Variants in ZNF101 observed in about 807,000 individuals in gnomAD.
ZNF101 encodes the protein zinc finger protein 101.
ZNF101 carries 34 observed loss-of-function variants against 42.6 expected under a neutral mutation model. The ratio of observed to expected loss-of-function variants is 0.80; its 90% CI spans 0.61 to 1.06. ZNF101 has a LOEUF of 1.06. ZNF101 is among the 50% of genes least tolerant of loss of function. The probability of loss-of-function intolerance (pLI) is 0.00; values close to 1 mark genes in which losing one functional copy is unlikely to be tolerated. For synonymous variants in ZNF101, 158 were observed against 183.9 expected (o/e 0.86, Z 1.14); for missense variants, 466 against 530.9 (o/e 0.88, Z 1.20).
intron 1 of ZNF101, chr19:19,677,345 G>C (rs1201004773): frequency 6.6e-6 from 1 of 152,642 alleles, no homozygotes. Context: ...CTTTCAGAAG[G>C]AAAACAGTTC....
At chr19:19,674,367 G>T (rs1179169075) in intron 1 of ZNF101, among the ~76,000 whole-genome samples, 1 of 151,920 alleles carries the variant, frequency 6.6e-6, no homozygotes, top group Non-Finnish European at 1.5e-5. Context: ...GTAGAGATGG[G>T]GTTTCACCAT....
upstream of ZNF101, chr19:19,668,756 T>C (rs948267530): frequency 9.1e-6 from 5 of 548,850 alleles, no homozygotes; most frequent in African/African-American, 7.9e-5. Context: ...AGAGGCGCTG[T>C]GCGGCAAACT....
chr19:19,675,014 G>T (rs1321044477), intron 1 of ZNF101, among the ~76,000 whole-genome samples: 3 of 151,926 alleles, frequency 2.0e-5, no homozygotes, highest in Non-Finnish European at 2.9e-5. Context: ...TAGAGACGGG[G>T]TTTCACCGTG....
intron 1 of ZNF101, chr19:19,677,235 T>C (rs1445449400): frequency 6.6e-6 from 1 of 152,256 alleles, no homozygotes; most frequent in Non-Finnish European, 1.5e-5. Context: ...ACGTGTGACA[T>C]ATTGTCTCCC....
intron 1 of ZNF101, among the ~76,000 whole-genome samples, chr19:19,673,651 C>T (rs979939040): frequency 2.1e-5 from 3 of 142,230 alleles, no homozygotes; most frequent in African/African-American, 5.2e-5. Context: ...AGTAGTCTTT[C>T]GACTTCTTGG....
Position 19,679,190 on chromosome 19 carries a change from G to A in ZNF101, c.201G>A (p.Val67=). The change falls in exon 4 of 4, where the codon GTG becomes GTA. Residue 67 remains valine, a synonymous_variant. Coordinates refer to ENST00000592502, the MANE Select transcript of ZNF101 (RefSeq NM_033204.4). ...TTGTCATTTTTCATAGAAGTCTGGTGGAGAGACTCTGTGGACGTAAAGAAG... is the reference window on the plus strand; with the variant it reads ...TTGTCATTTTTCATAGAAGTCTGGTAGAGAGACTCTGTGGACGTAAAGAAG... ...QNLGIKLRSL[V]ERLCGRKEGN... is the part of the protein sequence containing the mutation. The A allele has an allele frequency of 6.2e-7, 1 of 1,612,680 alleles. No homozygotes were observed.
chr19:19,669,804 A>G (rs760118713), intron 1 of ZNF101, among the ~76,000 whole-genome samples: 13 of 152,094 alleles, frequency 8.5e-5, no homozygotes, highest in Admixed American at 6.6e-5. Context: ...TTTAACTGTC[A>G]TCTTTTCCAA....
chr19:19,680,154 A>G lies in ZNF101; in HGVS notation c.1165A>G (p.Thr389Ala). 1.2e-6 allele frequency: 2 copies of G among 1,612,746 alleles called. No individual in the cohort carries two copies. Among genetic ancestry groups the G allele is most frequent in the Non-Finnish European group, 1.7e-6 (2 of 1,179,690 alleles). The change falls in exon 4 of 4, where the codon ACT becomes GCT. Residue 389 changes from threonine (T) to alanine (A), a missense_variant. Thr to Ala is a moderately conservative substitution (Grantham distance 58, BLOSUM62 0). Transcript: ENST00000592502. ...SSLRRHEMTH[T>A]GEKPFDCKQC... ...CCTCCGAAGACATGAAATGACTCAC[A>G]CTGGAGAAAAACCCTTTGATTGTAA...
intron 3 of ZNF101, 58 bp from the exon 4 acceptor site, chr19:19,679,123 A>G: frequency 3.8e-6 from 6 of 1,568,734 alleles, no homozygotes; most frequent in South Asian, 2.4e-5. Context: ...AGACATGTCA[A>G]TTAGTAGAAA....
intron 1 of ZNF101, among the ~76,000 whole-genome samples, chr19:19,670,497 C>T (rs1234314442): frequency 2.6e-5 from 4 of 152,222 alleles, no homozygotes; most frequent in African/African-American, 9.6e-5. Context: ...TGGCTCACGC[C>T]TGTAATTCCA....
Position 19,668,845 on chromosome 19 carries a change from GT to G in ZNF101, c.-118del. The G allele has an allele frequency of 7.5e-7, 1 of 1,338,658 alleles. No individual in the cohort carries two copies. The highest frequency in any genetic ancestry group is 1.0e-6 in the Non-Finnish European group (1 of 1,000,392). The allele number at this position is 1,338,658 out of a possible 1,614,324, so 82.9% of individuals were successfully genotyped here. On this transcript the variant is annotated 5_prime_UTR_variant, in exon 1 of 4. Coordinates refer to ENST00000592502, the MANE Select transcript of ZNF101 (RefSeq NM_033204.4). ...CATTTCCCGCCGGCCCCCCATTCGG[GT>G]CCGGGTTTTAGTTCCTCGGGGAGCC...
At chr19:19,668,761 C>A, upstream of ZNF101, 1 of 574,238 alleles carries the variant, frequency 1.7e-6, no homozygotes, top group Non-Finnish European at 2.9e-6. Context: ...CGCTGTGCGG[C>A]AAACTGTCCA....
Position 19,679,563 on chromosome 19 carries a change from A to G in ZNF101, c.574A>G (p.Thr192Ala), listed in dbSNP as rs777625186. The G allele has an allele frequency of 6.8e-6, 11 of 1,614,150 alleles. No individual in the cohort carries two copies. The highest frequency in any genetic ancestry group is 8.5e-6 in the Non-Finnish European group (10 of 1,180,030). Residue 192 changes from threonine to alanine, a missense_variant, in exon 4 of 4, where the codon ACT becomes GCT. Thr to Ala is a moderately conservative substitution (Grantham distance 58). Coordinates refer to ENST00000592502, the MANE Select transcript of ZNF101 (RefSeq NM_033204.4). ...ATTTCAAATCCATCAAAGAACTCACACTGGAAAGAGGTCCTATAAATGTAG... is the reference window on the plus strand; with the variant it reads ...ATTTCAAATCCATCAAAGAACTCACGCTGGAAAGAGGTCCTATAAATGTAG... Reference protein sequence around the residue: ...NLFQIHQRTHTGKRSYKCREI... With the variant: ...NLFQIHQRTHAGKRSYKCREI...
In ZNF101 at chr19:19,679,237, T is replaced by G; in HGVS notation, c.248T>G (p.Phe83Cys). 1 of 1,614,216 alleles carries G rather than the reference T, an allele frequency of 6.2e-7. No individual in the cohort carries two copies. Among genetic ancestry groups the G allele is most frequent in the Non-Finnish European group, 8.5e-7 (1 of 1,180,046 alleles). Reference protein sequence around the residue: ...RKEGNEHRETFSQIPDCHLNK... With the variant: ...RKEGNEHRETCSQIPDCHLNK... ...GAAGGGAATGAACACAGAGAAACTTTCAGCCAGATTCCTGATTGTCACCTG... is the reference window on the plus strand; with the variant it reads ...GAAGGGAATGAACACAGAGAAACTTGCAGCCAGATTCCTGATTGTCACCTG... Residue 83 changes from phenylalanine (F) to cysteine (C), a missense_variant, in exon 4 of 4, where the codon TTC becomes TGC. Transcript: ENST00000592502.
intron 1 of ZNF101, 185 bp from the exon 2 acceptor site, chr19:19,677,679 G>A (rs774254836): frequency 1.1e-6 from 1 of 919,556 alleles, no homozygotes; most frequent in Non-Finnish European, 1.5e-6. Context: ...GGCTCTCTGA[G>A]TAGGTCAGTT....
chr19:19,673,687 CTTTTTTTT>C (rs573395742), intron 1 of ZNF101, among the ~76,000 whole-genome samples: 1 of 82,874 alleles, frequency 1.2e-5, no homozygotes, highest in Non-Finnish European at 2.3e-5. Flanking sequence ...GCGTTCAATT[CTTTTTTTT>C]TTTTTTTTTT....
intron 1 of ZNF101, chr19:19,677,602 G>C: frequency 5.6e-6 from 2 of 354,846 alleles, no homozygotes; most frequent in Non-Finnish European, 5.2e-6. Context: ...AAGAGCATTT[G>C]GGGCAACGCA....
chr19:19,677,003 T>C (rs566550749), intron 1 of ZNF101: 18 of 152,202 alleles, frequency 1.2e-4, no homozygotes, highest in Non-Finnish European at 1.6e-4. Flanking sequence ...GAGTTTTTTC[T>C]AGGAACACAT....
Position 19,679,444 on chromosome 19 carries a change from C to T in ZNF101, c.455C>T (p.Ser152Phe), listed in dbSNP as rs775832054. The T allele has an allele frequency of 6.2e-7, 1 of 1,613,974 alleles. No homozygotes were observed. The highest frequency in any genetic ancestry group is 1.7e-5 in the Admixed American group (1 of 59,992). ...KQKQHGKASI[S>F]PSSGARRTVT... ...AAACAACATGGGAAAGCCTCCATTT[C>T]CCCCAGTAGTGGTGCACGGCGCACA... The change falls in exon 4 of 4, where the codon TCC becomes TTC. Residue 152 changes from serine (S) to phenylalanine (F), a missense_variant. Physicochemically the swap from Ser to Phe is radical, Grantham distance 155. Coordinates refer to ENST00000592502, the MANE Select transcript of ZNF101 (RefSeq NM_033204.4).
Sources: gnomAD v4.1 joint callset for allele counts (sites outside exome capture counted in the v4.1 genomes callset) on GRCh38, gnomAD v4.1.1 for gene constraint, MANE v1.5 for transcripts, NCBI Gene and HGNC (gene_info 2026-07-23, HGNC 2026-07-21) for gene names.